Variants in CUBN observed in about 807,000 individuals in gnomAD.
CUBN encodes the protein 460 kDa receptor.
CUBN carries 282 observed loss-of-function variants against 405.3 expected under a neutral mutation model. The ratio of observed to expected loss-of-function variants is 0.70; its 90% CI spans 0.63 to 0.77. The LOEUF is 0.77. Among genes scored for constraint, CUBN ranks in the 30% least tolerant of loss-of-function variants. The probability of loss-of-function intolerance (pLI) is 0.00; values close to 1 mark genes in which losing one functional copy is unlikely to be tolerated. For synonymous variants in CUBN, 1,684 were observed against 1,617.0 expected, an observed-to-expected ratio of 1.04 and a Z score of -0.99; for missense variants, 4,514 against 4,475.2, an observed-to-expected ratio of 1.01 and a Z score of -0.25.
chr10:17,120,815 C>A (rs1240827422), intron 6 of CUBN, among the ~76,000 whole-genome samples: 2 of 152,164 alleles, frequency 1.3e-5, no homozygotes, highest in South Asian at 2.1e-4. Flanking sequence ...CCATACTTGT[C>A]GCTCTATTGG....
chr10:17,010,868 A>G (rs1834160713), intron 28 of CUBN, among the ~76,000 whole-genome samples: 1 of 152,212 alleles, frequency 6.6e-6, no homozygotes, highest in Non-Finnish European at 1.5e-5. Context: ...CAGAACGCCT[A>G]GCACTCCTAA....
intron 28 of CUBN, among the ~76,000 whole-genome samples, chr10:16,998,208 T>C (rs1164509818): frequency 6.6e-6 from 1 of 151,776 alleles, no homozygotes; most frequent in Non-Finnish European, 1.5e-5. Flanking sequence ...GACTGTGACC[T>C]TTTTGGAGGA....
intron 40 of CUBN, among the ~76,000 whole-genome samples, chr10:16,931,562 C>A (rs1262703278): frequency 6.6e-6 from 1 of 152,230 alleles, no homozygotes; most frequent in Non-Finnish European, 1.5e-5. Context: ...CTGATTAAAC[C>A]TCTCTTAGAA....
chr10:16,969,329 G>C (rs578088428), intron 31 of CUBN, among the ~76,000 whole-genome samples: 62 of 151,142 alleles, frequency 4.1e-4, no homozygotes, highest in African/African-American at 1.4e-3. Flanking sequence ...TGGGTTCTGT[G>C]AAAGAGGATG....
At chr10:17,093,189 G>A (rs1018352971) in intron 14 of CUBN, among the ~76,000 whole-genome samples, 3 of 152,154 alleles carry the variant, frequency 2.0e-5, no homozygotes, top group African/African-American at 7.2e-5. Flanking sequence ...CAGCTGCATG[G>A]AAATGGCACC....
At position 16,922,119 on chromosome 10, in the gene CUBN, G is replaced by T. The variant is rs551087474; in HGVS notation, c.6647-1982C>A. 2.0e-5 allele frequency among the ~76,000 whole-genome samples: 3 copies of T among 148,178 alleles called. No homozygotes were observed. In the South Asian group the frequency reaches 6.6e-4, roughly 33 times the overall value. On this transcript the variant is annotated intron_variant, in intron 43 of 66. Coordinates refer to ENST00000377833, the MANE Select transcript of CUBN (RefSeq NM_001081.4). ...GTCTGCATCTTAACACTAGAATTAG[G>T]TTCCATGAGGACATGGATTTTGTTT...
Position 17,068,658 on chromosome 10 carries a change from C to G in CUBN, c.2738G>C (p.Ser913Thr), listed in dbSNP as rs201589187. The stretch of plus-strand genomic sequence containing the variant: ...GAAACCATGGTTTTCAGTAGAAGAA[C>G]TTTTCACGAATGTGACATAAAGAAA... ...YNFLYVTFVK[S>T]SSTENHGFMA... Residue 913 changes from serine to threonine, a missense_variant, in exon 20 of 67, where the codon AGT becomes ACT. Physicochemically the swap from Ser to Thr is moderately conservative, Grantham distance 58. Transcript: ENST00000377833. The G allele has an allele frequency of 4.5e-5, 73 of 1,613,024 alleles. No individual in the cohort carries two copies. The South Asian group carries it at 7.9e-4, about 17-fold the overall frequency.
Position 17,071,832 on chromosome 10 carries a change from T to C in CUBN, c.2441A>G (p.Gln814Arg), listed in dbSNP as rs770392464. 52 of 1,612,188 alleles carry C rather than the reference T, an allele frequency of 3.2e-5. No homozygotes were observed. Among genetic ancestry groups the C allele is most frequent in the Non-Finnish European group, 4.1e-5 (48 of 1,179,646 alleles). Residue 814 changes from glutamine to arginine, a missense_variant, in exon 18 of 67, where the codon CAA (glutamine) becomes CGA (arginine). Physicochemically the swap from Gln to Arg is conservative, Grantham distance 43. Coordinates refer to ENST00000377833, the MANE Select transcript of CUBN (RefSeq NM_001081.4). ...AAAATTATATGTTTCCTTACCGACT[T>C]GATAAACAGCTCTGAAACTAGCTTT... Reference protein sequence around the residue: ...VEKASFRAVYQVACGDELTGE... With the variant: ...VEKASFRAVYRVACGDELTGE...
chr10:16,953,322 G>A (rs947285371), intron 32 of CUBN, among the ~76,000 whole-genome samples: 1 of 152,158 alleles, frequency 6.6e-6, no homozygotes, highest in Non-Finnish European at 1.5e-5. Context: ...CAAGAATATA[G>A]TCTGTCTTGC....
intron 30 of CUBN, 58 bp from the exon 31 acceptor site, chr10:16,982,711 CCATTACCTGGTTGTATAGATCAATA>C: frequency 1.4e-6 from 2 of 1,451,348 alleles, no homozygotes; most frequent in Non-Finnish European, 1.9e-6. Context: ...CGAAAATAAT[CCATTACCTGGTTGTATAGATCAATA>C]CATTACTTTG....
rs1801241 is a variant in CUBN at position 16,876,973 on chromosome 10, A to G, written c.9030T>C (p.Ala3010=). The change falls in exon 57 of 67, where the codon GCT becomes GCC. Residue 3010 remains alanine (A), a synonymous_variant. Coordinates refer to ENST00000377833, the MANE Select transcript of CUBN (RefSeq NM_001081.4). ...GDEMPAPLTI[A]GPVLLNFYSN... is the part of the protein sequence containing the mutation. ...AGTAGAAGTTAAGCAGAACCGGCCC[A>G]GCGATGGTGAGGGGAGCTGGCATCT... 0.096 allele frequency: 154,834 copies of G among 1,613,970 alleles called. 14,305 individuals carry two copies. The highest frequency in any genetic ancestry group is 0.34 in the Admixed American group (20,332 of 59,992).
At chr10:16,869,164 A>ATTTTTTTTT (rs72310717) in intron 59 of CUBN, among the ~76,000 whole-genome samples, 7 of 121,160 alleles carry the variant, frequency 5.8e-5, no homozygotes, top group Non-Finnish European at 6.8e-5. Context: ...TACCAAAGTG[A>ATTTTTTTTT]TTTTTTTTTT....
intron 28 of CUBN, among the ~76,000 whole-genome samples, chr10:17,001,224 G>C (rs1411456496): frequency 6.6e-6 from 1 of 152,220 alleles, no homozygotes; most frequent in African/African-American, 2.4e-5. Context: ...CGGACCCAAA[G>C]AGTGAGCAGC....
intron 5 of CUBN, 95 bp downstream of exon 5, chr10:17,123,493 A>G: frequency 1.0e-6 from 1 of 990,936 alleles, no homozygotes; most frequent in South Asian, 1.4e-5. Context: ...AGAATCCTAG[A>G]AACTTTAGAT....
chr10:17,097,599 A>G (rs984934378), intron 14 of CUBN, among the ~76,000 whole-genome samples: 1 of 152,204 alleles, frequency 6.6e-6, no homozygotes, highest in Non-Finnish European at 1.5e-5. Flanking sequence ...TCACCCAAAT[A>G]TAGATATAAA....
intron 27 of CUBN, chr10:17,023,770 C>T (rs1435686118): frequency 8.7e-6 from 3 of 344,806 alleles, no homozygotes; most frequent in African/African-American, 2.1e-5. Flanking sequence ...GATTGCGATT[C>T]TCACCTTGAA....
chr10:17,128,087 G>A (rs974794957), intron 2 of CUBN, among the ~76,000 whole-genome samples, 163 bp from the exon 3 acceptor site: 1 of 152,136 alleles, frequency 6.6e-6, no homozygotes, highest in Non-Finnish European at 1.5e-5. Context: ...TAAACACTGG[G>A]CTAAAATAGC....
Position 17,048,946 on chromosome 10 carries a change from A to G in CUBN, c.3140-1343T>C, listed in dbSNP as rs1351609483. On this transcript the variant is annotated intron_variant, in intron 22 of 66. Coordinates refer to ENST00000377833, the MANE Select transcript of CUBN (RefSeq NM_001081.4). The stretch of plus-strand genomic sequence containing the variant: ...TCTCAAAGGAATGGGCATTCGCCAG[A>G]TATTTGATTTTACTCTATTTTAAAC... 2.0e-5 allele frequency among the ~76,000 whole-genome samples: 3 copies of G among 152,232 alleles called. No homozygotes were observed. In the East Asian group the frequency reaches 5.8e-4, roughly 29 times the overall value.
intron 31 of CUBN, among the ~76,000 whole-genome samples, chr10:16,975,278 A>G (rs1463586853): frequency 6.6e-6 from 1 of 152,010 alleles, no homozygotes; most frequent in African/African-American, 2.4e-5. Context: ...TTGAGGTTTC[A>G]CTCCTGCTGT....
Sources: allele counts gnomAD v4.1 joint callset (sites outside exome capture counted in the v4.1 genomes callset), GRCh38; gene constraint gnomAD v4.1.1; transcripts MANE v1.5; gene names NCBI Gene and HGNC (gene_info 2026-07-23, HGNC 2026-07-21).